PRRX2: variants seen among roughly 807,000 people sequenced by gnomAD.
PRRX2 encodes paired mesoderm homeobox protein 2.
A neutral mutation model predicts 18.0 loss-of-function variants in PRRX2; 11 were observed. The ratio of observed to expected loss-of-function variants is 0.61; its 90% CI spans 0.39 to 1.01. The LOEUF (loss-of-function observed/expected upper bound fraction) is 1.01. PRRX2 is among the 50% of genes least tolerant of loss of function. PRRX2 has a pLI of 0.01. For synonymous variants in PRRX2, 177 were observed against 154.8 expected (o/e 1.14, Z -1.06); for missense variants, 387 against 351.0 (o/e 1.10, Z -0.82).
intron 2 of PRRX2, 138 bp downstream of exon 2, chr9:129,719,556 C>T: frequency 9.0e-7 from 1 of 1,116,818 alleles, no homozygotes; most frequent in Non-Finnish European, 1.2e-6. Context: ...GGGTTCAGAT[C>T]CCAGCCCTGC....
intron 1 of PRRX2, among the ~76,000 whole-genome samples, chr9:129,705,841 C>G (rs1477994571): frequency 2.0e-5 from 3 of 151,620 alleles, no homozygotes; most frequent in South Asian, 2.1e-4. Flanking sequence ...TTTGGGAGGC[C>G]GAGGCAGGTG....
chr9:129,714,133 T>C (rs988308925), intron 1 of PRRX2, among the ~76,000 whole-genome samples: 6 of 149,482 alleles, frequency 4.0e-5, no homozygotes, highest in Admixed American at 2.6e-4. Flanking sequence ...TGAAACCTCA[T>C]CTCTACTAAA....
At chr9:129,670,800 G>T (rs2119049123) in intron 1 of PRRX2, among the ~76,000 whole-genome samples, 1 of 152,322 alleles carries the variant, frequency 6.6e-6, no homozygotes, top group Admixed American at 6.5e-5. Flanking sequence ...GGCTTTGGAG[G>T]AAGAGACAAA....
intron 1 of PRRX2, among the ~76,000 whole-genome samples, chr9:129,682,366 C>T (rs977051308): frequency 5.9e-5 from 9 of 152,154 alleles, no homozygotes; most frequent in Admixed American, 2.6e-4. Flanking sequence ...TTATTCGCAA[C>T]TCCTGTGAGG....
At chr9:129,666,951 C>T (rs1043433497) in intron 1 of PRRX2, among the ~76,000 whole-genome samples, 4 of 152,166 alleles carry the variant, frequency 2.6e-5, no homozygotes, top group Admixed American at 6.5e-5. Context: ...GAAGTGTGCC[C>T]GCCTGACTCC....
rs1158690607 is a variant in PRRX2, at chr9:129,703,128, G to C, written c.260-16103G>C. 4.6e-5 allele frequency among the ~76,000 whole-genome samples: 7 copies of C among 152,388 alleles called. No homozygotes were observed. In the South Asian group the frequency reaches 1.4e-3, roughly 32 times the overall value. On this transcript the variant is annotated intron_variant, in intron 1 of 3. Transcript: ENST00000372469. ...AGATGGCCCCGTGCCCAGACTCTGA[G>C]CATGCACCCCACTGGTGAGGCTGTC...
intron 1 of PRRX2, among the ~76,000 whole-genome samples, chr9:129,684,338 C>T (rs1588164786): frequency 6.6e-6 from 1 of 151,786 alleles, no homozygotes; most frequent in African/African-American, 2.4e-5. Context: ...CAGGCTTAAG[C>T]AATGACACTG....
Position 129,671,539 on chromosome 9 carries a change from C to T in PRRX2, c.259+5413C>T, listed in dbSNP as rs1269307087. ...CAGCTTGGAGCAGTAGTGACAGCGCCGGCTTACACACCTCCCTTGAGGCCT... is the reference window on the plus strand; with the variant it reads ...CAGCTTGGAGCAGTAGTGACAGCGCTGGCTTACACACCTCCCTTGAGGCCT... On this transcript the variant is annotated intron_variant, in intron 1 of 3. Transcript: ENST00000372469. The surrounding 1 kb of genome is among the most constrained non-coding windows in gnomAD (Gnocchi z 4.0). 1.3e-5 allele frequency among the ~76,000 whole-genome samples: 2 copies of T among 152,182 alleles called. No individual in the cohort carries two copies. The highest frequency in any genetic ancestry group is 2.4e-5 in the African/African-American group (1 of 41,452).
chr9:129,671,643 G>A lies in PRRX2; in HGVS notation c.259+5517G>A, dbSNP rs1418310822. 1.3e-5 allele frequency among the ~76,000 whole-genome samples: 2 copies of A among 152,228 alleles called. No homozygotes were observed. Among genetic ancestry groups the A allele is most frequent in the African/African-American group, 4.8e-5 (2 of 41,464 alleles). ...TGGTATCCCTCAAAGGGCGTGTCGAGCCCTGAGTGGGTGAGGGTTCTGGGT... is the reference window on the plus strand; with the variant it reads ...TGGTATCCCTCAAAGGGCGTGTCGAACCCTGAGTGGGTGAGGGTTCTGGGT... On this transcript the variant is annotated intron_variant, in intron 1 of 3. Transcript: ENST00000372469. This position sits in a 1 kb window ranked among gnomAD's most constrained non-coding sequence, Gnocchi z 4.0.
chr9:129,675,740 G>A lies in PRRX2; in HGVS notation c.259+9614G>A, dbSNP rs1657294491. Among the ~76,000 whole-genome samples, 1 of 152,160 alleles carries A rather than the reference G, an allele frequency of 6.6e-6. No homozygotes were observed. The highest frequency in any genetic ancestry group is 2.4e-5 in the African/African-American group (1 of 41,442). Reference sequence around the variant, plus strand: ...TAAAAATGACATTTAACCAGAGCTGGAATTACCACGCGGATGGCTGCAAAC... The same window carrying A: ...TAAAAATGACATTTAACCAGAGCTGAAATTACCACGCGGATGGCTGCAAAC... On this transcript the variant is annotated intron_variant, in intron 1 of 3. Coordinates refer to ENST00000372469, the MANE Select transcript of PRRX2 (RefSeq NM_016307.4). This position sits in a 1 kb window ranked among gnomAD's most constrained non-coding sequence, Gnocchi z 4.4.
In PRRX2 at chr9:129,675,006, C is replaced by A. The variant is rs138499162; in HGVS notation, c.259+8880C>A. Among the ~76,000 whole-genome samples the A allele has an allele frequency of 1.3e-5, 2 of 152,256 alleles. No individual in the cohort carries two copies. ...GCCTAGCGATTCTTGTACCCTGCTG[C>A]GGGCTCCTTCCAGAGCTGACTCTGC... On this transcript the variant is annotated intron_variant, in intron 1 of 3. Coordinates refer to ENST00000372469, the MANE Select transcript of PRRX2 (RefSeq NM_016307.4). This position sits in a 1 kb window ranked among gnomAD's most constrained non-coding sequence, Gnocchi z 4.4.
chr9:129,714,043 C>T (rs1832670976), intron 1 of PRRX2, among the ~76,000 whole-genome samples: 2 of 146,408 alleles, frequency 1.4e-5, no homozygotes, highest in African/African-American at 2.7e-5. Context: ...TAGCTCACGC[C>T]TGTAATCCCA....
At chr9:129,680,333 G>A (rs13294056) in intron 1 of PRRX2, among the ~76,000 whole-genome samples, 3,342 of 150,958 alleles carry the variant, frequency 0.022, 53 homozygotes, top group Middle Eastern at 0.065. Context: ...CCTGGGAGGC[G>A]GAGGTTGCAG....
At chr9:129,693,981 G>A (rs1832391488) in intron 1 of PRRX2, among the ~76,000 whole-genome samples, 1 of 152,304 alleles carries the variant, frequency 6.6e-6, no homozygotes, top group Admixed American at 6.5e-5. Flanking sequence ...TGAAGGCAGA[G>A]TCCTTGCTTG....
intron 1 of PRRX2, among the ~76,000 whole-genome samples, chr9:129,674,094 C>T (rs1832135244): frequency 6.6e-6 from 1 of 152,136 alleles, no homozygotes; most frequent in African/African-American, 2.4e-5. Flanking sequence ...GCCACAGAAT[C>T]GCACCAGATC....
At chr9:129,672,580 G>A (rs555141601) in intron 1 of PRRX2, among the ~76,000 whole-genome samples, 1 of 152,194 alleles carries the variant, frequency 6.6e-6, no homozygotes, top group South Asian at 2.1e-4. Context: ...GCATTCAGGG[G>A]CCGTGAGGTG....
chr9:129,689,211 G>A (rs934293290), intron 1 of PRRX2, among the ~76,000 whole-genome samples: 2 of 152,140 alleles, frequency 1.3e-5, no homozygotes, highest in Admixed American at 6.5e-5. Flanking sequence ...GAGCACAGGG[G>A]TCTTCAGTAA....
At chr9:129,670,971 G>A (rs1270447357) in intron 1 of PRRX2, among the ~76,000 whole-genome samples, 1 of 152,190 alleles carries the variant, frequency 6.6e-6, no homozygotes, top group Non-Finnish European at 1.5e-5. Flanking sequence ...CCTTGCTTTT[G>A]CCTTCCTCTC....
At chr9:129,700,464 G>C (rs1222526397) in intron 1 of PRRX2, among the ~76,000 whole-genome samples, 1 of 152,048 alleles carries the variant, frequency 6.6e-6, no homozygotes, top group Non-Finnish European at 1.5e-5. Flanking sequence ...TGAGTAGCTG[G>C]GAGTACAGGC....
Sources: allele counts gnomAD v4.1 joint callset (sites outside exome capture counted in the v4.1 genomes callset), GRCh38; gene constraint gnomAD v4.1.1; non-coding constraint Gnocchi (gnomAD v3.1); transcripts MANE v1.5; gene names NCBI Gene and HGNC (gene_info 2026-07-23, HGNC 2026-07-21).